Variants in TENT4B observed in about 807,000 individuals in gnomAD.
TENT4B encodes the protein terminal nucleotidyltransferase 4B.
In TENT4B, 10 loss-of-function variants were observed where a neutral mutation model predicts 75.0. The ratio of observed to expected loss-of-function variants is 0.13; its 90% CI spans 0.08 to 0.23. The LOEUF (loss-of-function observed/expected upper bound fraction) is 0.23, where lower values mean the gene tolerates loss of function less well. Ranked by LOEUF, TENT4B falls within the 10% of genes least tolerant of loss-of-function variation. The pLI is 1.00. For missense variants in TENT4B, 579 were observed against 893.8 expected, an observed-to-expected ratio of 0.65 and a Z score of 4.49; for synonymous variants, 350 against 357.7, an observed-to-expected ratio of 0.98 and a Z score of 0.24.
chr16:50,203,418 A>C (rs537794347), intron 1 of TENT4B, among the ~76,000 whole-genome samples: 2 of 152,330 alleles, frequency 1.3e-5, no homozygotes, highest in East Asian at 3.9e-4. Flanking sequence ...TGTTATCAGT[A>C]CTGTAGAAGG....
chr16:50,166,869 A>G (rs142594972), intron 1 of TENT4B, among the ~76,000 whole-genome samples: 186 of 150,568 alleles, frequency 1.2e-3, no homozygotes, highest in African/African-American at 4.2e-3. Context: ...AGCTGAAGCA[A>G]TCCGCCCATC....
intron 1 of TENT4B, among the ~76,000 whole-genome samples, chr16:50,172,870 T>C (rs546622135): frequency 2.6e-5 from 4 of 152,350 alleles, no homozygotes; most frequent in Admixed American, 2.6e-4. Context: ...CTCTATAGTT[T>C]TACCTTTTAC....
intron 1 of TENT4B, among the ~76,000 whole-genome samples, chr16:50,187,550 T>G (rs931535483): frequency 6.6e-6 from 1 of 152,314 alleles, no homozygotes; most frequent in African/African-American, 2.4e-5. Flanking sequence ...GCCACTGCAC[T>G]CCAGCCTGGG....
chr16:50,157,911 G>A (rs972485610), intron 1 of TENT4B, among the ~76,000 whole-genome samples: 9 of 151,974 alleles, frequency 5.9e-5, no homozygotes, highest in South Asian at 2.1e-4. Context: ...GACTACAGGC[G>A]AGTGCCACCA....
In TENT4B at chr16:50,229,542, G is replaced by A; in HGVS notation, c.*214G>A. 2 of 1,255,856 alleles carry A rather than the reference G, an allele frequency of 1.6e-6. No individual in the cohort carries two copies. The highest frequency in any genetic ancestry group is 2.0e-6 in the Non-Finnish European group (2 of 1,003,666). The allele number at this position is 1,255,856 out of a possible 1,614,324, so 77.8% of individuals were successfully genotyped here. A position where few individuals can be genotyped will look rare whatever the true frequency, so the allele number is the denominator to read the frequency against. On this transcript the variant is annotated 3_prime_UTR_variant, in exon 12 of 12. Coordinates refer to ENST00000561678, the MANE Select transcript of TENT4B (RefSeq NM_001365324.3). ...AAAAAAAAAAGCAAGCAAAAAAGAGGGAAAAAAAAGGCTGCTTATTTGATA... is the reference window on the plus strand; with the variant it reads ...AAAAAAAAAAGCAAGCAAAAAAGAGAGAAAAAAAAGGCTGCTTATTTGATA...
In TENT4B at chr16:50,215,324, G is replaced by A. The variant is rs905054493; in HGVS notation, c.810-751G>A. Among the ~76,000 whole-genome samples, 58 of 152,146 alleles carry A rather than the reference G, an allele frequency of 3.8e-4. 1 individual carries two copies. The highest frequency in any genetic ancestry group is 1.2e-4 in the Non-Finnish European group (8 of 68,032). The stretch of plus-strand genomic sequence containing the variant: ...ACCCCAACTTAAAGTGTGCTGAAGT[G>A]GATGGACCCTGGCAATTTCCGTTCT... On this transcript the variant is annotated intron_variant, in intron 3 of 11. Transcript: ENST00000561678.
intron 1 of TENT4B, among the ~76,000 whole-genome samples, chr16:50,179,002 GA>G (rs2038360946): frequency 6.6e-6 from 1 of 152,026 alleles, no homozygotes; most frequent in Non-Finnish European, 1.5e-5. Context: ...TTTACAGATG[GA>G]AAAAAATTAT....
chr16:50,175,190 T>C (rs1231506500), intron 1 of TENT4B, among the ~76,000 whole-genome samples: 3 of 152,228 alleles, frequency 2.0e-5, no homozygotes, highest in Non-Finnish European at 1.5e-5. Context: ...ATAATAAGTC[T>C]TTTATTAGAT....
rs146381066 is a variant in TENT4B, at chr16:50,228,315, A to C, written c.1965+312A>C. ...AATAAGCTGGCATGAAGGTTTTGTGAGGCCTCATGGCAGTGTGCATATCTG... is the reference window on the plus strand; with the variant it reads ...AATAAGCTGGCATGAAGGTTTTGTGCGGCCTCATGGCAGTGTGCATATCTG... On this transcript the variant is annotated intron_variant, in intron 11 of 11. Coordinates refer to ENST00000561678, the MANE Select transcript of TENT4B (RefSeq NM_001365324.3). Among the ~76,000 whole-genome samples, 12 of 152,326 alleles carry C rather than the reference A, an allele frequency of 7.9e-5. No individual in the cohort carries two copies. In the East Asian group the frequency reaches 2.3e-3, roughly 29 times the overall value.
intron 4 of TENT4B, among the ~76,000 whole-genome samples, chr16:50,216,398 C>A (rs2031555200): frequency 6.6e-6 from 1 of 152,202 alleles, no homozygotes; most frequent in Non-Finnish European, 1.5e-5. Context: ...ACAACCTGTG[C>A]CTCCTCGGCT....
intron 1 of TENT4B, among the ~76,000 whole-genome samples, chr16:50,170,222 T>C (rs879664376): frequency 2.0e-5 from 3 of 152,014 alleles, no homozygotes; most frequent in Non-Finnish European, 4.4e-5. Context: ...GGTTTCACTA[T>C]GTTGGCCAGG....
At chr16:50,188,308 A>T (rs1237410547) in intron 1 of TENT4B, among the ~76,000 whole-genome samples, 1 of 152,128 alleles carries the variant, frequency 6.6e-6, no homozygotes, top group Admixed American at 6.5e-5. Flanking sequence ...TTTCTCTGAG[A>T]ACTATAAAAC....
At chr16:50,156,343 TG>T (rs2037899125) in intron 1 of TENT4B, among the ~76,000 whole-genome samples, 2 of 83,486 alleles carry the variant, frequency 2.4e-5, no homozygotes, top group Non-Finnish European at 4.4e-5. Context: ...TCATGTATTC[TG>T]ATTTTTTTTT....
chr16:50,153,142 CG>C (rs2037794119), upstream of TENT4B: 1 of 524,622 alleles, frequency 1.9e-6, no homozygotes, highest in Admixed American at 9.6e-5. Context: ...GGCTGCTGCG[CG>C]GCGCAGCGGG....
At chr16:50,168,082 C>T (rs1403748352) in intron 1 of TENT4B, among the ~76,000 whole-genome samples, 6 of 149,472 alleles carry the variant, frequency 4.0e-5, no homozygotes, top group Non-Finnish European at 5.9e-5. Flanking sequence ...TGAGCAATGT[C>T]GTGAGACCCT....
At chr16:50,214,842 C>G (rs1264668192) in intron 3 of TENT4B, among the ~76,000 whole-genome samples, 1 of 152,288 alleles carries the variant, frequency 6.6e-6, no homozygotes, top group East Asian at 1.9e-4. Context: ...GAGTATTGCT[C>G]AGTCCCATAA....
intron 1 of TENT4B, among the ~76,000 whole-genome samples, chr16:50,160,295 C>CT (rs201840122): frequency 6.6e-6 from 1 of 151,748 alleles, no homozygotes; most frequent in Non-Finnish European, 1.5e-5. Context: ...AGTGTTTGGA[C>CT]TTTTTTTTTC....
intron 1 of TENT4B, among the ~76,000 whole-genome samples, chr16:50,191,965 G>A (rs534830056): frequency 1.3e-4 from 20 of 151,282 alleles, no homozygotes; most frequent in African/African-American, 2.9e-4. Context: ...TTAATAGGCC[G>A]GGCATGGTGT....
intron 4 of TENT4B, 139 bp downstream of exon 4, chr16:50,216,334 A>T: frequency 8.6e-7 from 1 of 1,156,670 alleles, no homozygotes; most frequent in South Asian, 1.5e-5. Flanking sequence ...GCTTGCACAT[A>T]AAAAGTTTTC....
Sources: gnomAD v4.1 joint callset for allele counts (sites outside exome capture counted in the v4.1 genomes callset) on GRCh38, gnomAD v4.1.1 for gene constraint, MANE v1.5 for transcripts, NCBI Gene and HGNC (gene_info 2026-07-23, HGNC 2026-07-21) for gene names.